DFFA: variants seen among roughly 807,000 people sequenced by gnomAD.
DFFA encodes the protein DFF45.
In DFFA, 14 loss-of-function variants were observed where a neutral mutation model predicts 28.0. That is an observed-to-expected ratio of 0.50 (90% confidence interval 0.33 to 0.78). The LOEUF is 0.78. Ranked by LOEUF, DFFA falls within the 30% of genes least tolerant of loss-of-function variation. The pLI, the probability that DFFA is intolerant of heterozygous loss-of-function variation, is 0.02. For missense variants in DFFA, 395 were observed against 407.1 expected, an observed-to-expected ratio of 0.97 and a Z score of 0.26; for synonymous variants, 158 against 170.3, an observed-to-expected ratio of 0.93 and a Z score of 0.56.
At chr1:10,463,750 C>T (rs558716774) in intron 3 of DFFA, 130 bp from the exon 4 acceptor site, 13 of 893,590 alleles carry the variant, frequency 1.5e-5, no homozygotes, top group East Asian at 1.2e-4. Flanking sequence ...CTGCAACCTC[C>T]GCCTCCTGGG....
At chr1:10,462,424 T>G in intron 5 of DFFA, 1 of 987,668 alleles carries the variant, frequency 1.0e-6, no homozygotes, top group Non-Finnish European at 1.2e-6. Context: ...TAAGCCACTG[T>G]GCCCGGACAA....
intron 3 of DFFA, among the ~76,000 whole-genome samples, chr1:10,464,925 T>C (rs942159757): frequency 6.6e-6 from 1 of 152,056 alleles, no homozygotes; most frequent in African/African-American, 2.4e-5. Context: ...ACCCAGTGCA[T>C]AGAACCATGA....
At position 10,458,871 on chromosome 1, in the gene DFFA, G is replaced by C. The variant is rs1226559978; in HGVS notation, c.*2619C>G. ...ATATTGTGATATTTCTTTCTTTTTTGTGTGACAGTGTCTCACTCTGTTGCA... is the reference window on the plus strand; with the variant it reads ...ATATTGTGATATTTCTTTCTTTTTTCTGTGACAGTGTCTCACTCTGTTGCA... On this transcript the variant is annotated 3_prime_UTR_variant, in exon 6 of 6. Coordinates refer to ENST00000377038, the MANE Select transcript of DFFA (RefSeq NM_004401.3). The C allele has an allele frequency of 7.1e-6, 1 of 140,152 alleles. No individual in the cohort carries two copies. Among genetic ancestry groups the C allele is most frequent in the Non-Finnish European group, 1.5e-5 (1 of 65,440 alleles). The allele number at this position is 140,152 out of a possible 1,614,324, so 8.7% of individuals were successfully genotyped here. A position where few individuals can be genotyped will look rare whatever the true frequency, so the allele number is the denominator to read the frequency against.
rs1168638910 is a variant in DFFA at position 10,461,218 on chromosome 1, A to C, written c.*272T>G. 4.9e-6 allele frequency: 2 copies of C among 404,728 alleles called. No homozygotes were observed. Among genetic ancestry groups the C allele is most frequent in the Non-Finnish European group, 8.9e-6 (2 of 224,212 alleles). 25.1% of individuals were successfully genotyped at this position (404,728 alleles called of 1,614,324 possible). A position where few individuals can be genotyped will look rare whatever the true frequency, so the allele number is the denominator to read the frequency against. On this transcript the variant is annotated 3_prime_UTR_variant, in exon 6 of 6. Coordinates refer to ENST00000377038, the MANE Select transcript of DFFA (RefSeq NM_004401.3). Reference sequence around the variant, plus strand: ...CCACTGCGCCTGGCCAATCACTGCCAATTACTTTTGAACAGAGAACATCAT... The same window carrying C: ...CCACTGCGCCTGGCCAATCACTGCCCATTACTTTTGAACAGAGAACATCAT...
intron 1 of DFFA, among the ~76,000 whole-genome samples, chr1:10,470,545 C>A (rs1224008229): frequency 6.6e-6 from 1 of 150,836 alleles, no homozygotes; most frequent in Non-Finnish European, 1.5e-5. Flanking sequence ...CTGCTTCAGC[C>A]TCCGGAGTAG....
chr1:10,463,025 C>T, intron 5 of DFFA, 33 bp downstream of exon 5: 3 of 1,613,818 alleles, frequency 1.9e-6, no homozygotes, highest in Non-Finnish European at 2.5e-6. Flanking sequence ...GCATGTCCTC[C>T]TCTGTAGCTC....
Position 10,462,631 on chromosome 1 carries a change from C to T in DFFA, c.783+427G>A, listed in dbSNP as rs184768054. On this transcript the variant is annotated intron_variant, in intron 5 of 5. Coordinates refer to ENST00000377038, the MANE Select transcript of DFFA (RefSeq NM_004401.3). ...GAAGTAGCACCCACCCAGGCAGGTT[C>T]CCTTCCTCAAGTTTTTAGCTCCCTG... 39 of 1,015,856 alleles carry T rather than the reference C, an allele frequency of 3.8e-5. No homozygotes were observed. The Admixed American group carries it at 1.7e-3, about 43-fold the overall frequency. 62.9% of individuals were successfully genotyped at this position (1,015,856 alleles called of 1,614,324 possible).
intron 3 of DFFA, 114 bp from the exon 4 acceptor site, chr1:10,463,734 G>C: frequency 9.3e-7 from 1 of 1,070,426 alleles, no homozygotes; most frequent in Non-Finnish European, 1.3e-6. Context: ...GTGTGATCTC[G>C]GCTCACTGCA....
intron 2 of DFFA, among the ~76,000 whole-genome samples, 182 bp from the exon 3 acceptor site, chr1:10,467,514 AT>A (rs373985522): frequency 2.0e-3 from 279 of 142,668 alleles, no homozygotes; most frequent in Middle Eastern, 3.5e-3. Context: ...CTCTTCTTTC[AT>A]TTTTTTTTTT....
intron 1 of DFFA, 84 bp from the exon 2 acceptor site, chr1:10,469,422 C>T: frequency 8.4e-7 from 1 of 1,191,704 alleles, no homozygotes; most frequent in South Asian, 1.5e-5. Flanking sequence ...TGTATGGCTC[C>T]AGAGCTGAGC....
chr1:10,461,672 C>A lies in DFFA; in HGVS notation c.814G>T (p.Ala272Ser), dbSNP rs748625595. 8.7e-6 allele frequency: 14 copies of A among 1,614,236 alleles called. No homozygotes were observed. Among genetic ancestry groups the A allele is most frequent in the Non-Finnish European group, 1.1e-5 (13 of 1,180,038 alleles). ...LVTKEDPKAL[A>S]VALNWDIKKT... is the part of the protein sequence containing the mutation. ...TTTATGTCCCAGTTCAAGGCAACAGCCAGTGCTTTGGGGTCTTCCTTGGTA... is the reference window on the plus strand; with the variant it reads ...TTTATGTCCCAGTTCAAGGCAACAGACAGTGCTTTGGGGTCTTCCTTGGTA... Residue 272 changes from alanine to serine, a missense_variant, in exon 6 of 6, where the codon GCT becomes TCT. By Grantham distance (99) the Ala-to-Ser change is moderately conservative. Transcript: ENST00000377038.
chr1:10,456,678 T>C lies in DFFA; in HGVS notation c.*4812A>G, dbSNP rs1359436367. On this transcript the variant is annotated 3_prime_UTR_variant, in exon 6 of 6. Transcript: ENST00000377038. ...TCCATTAGTTTTTCTCTTTTGCTTTTACCCAGAAATTAAAGGTTGGTAAGT... is the reference window on the plus strand; with the variant it reads ...TCCATTAGTTTTTCTCTTTTGCTTTCACCCAGAAATTAAAGGTTGGTAAGT... The C allele has an allele frequency of 6.6e-6, 1 of 152,212 alleles. No individual in the cohort carries two copies. Among genetic ancestry groups the C allele is most frequent in the Non-Finnish European group, 1.5e-5 (1 of 68,034 alleles). The allele number at this position is 152,212 out of a possible 1,614,324, so 9.4% of individuals were successfully genotyped here.
intron 1 of DFFA, among the ~76,000 whole-genome samples, chr1:10,471,925 C>T (rs1641103583): frequency 6.6e-6 from 1 of 152,148 alleles, no homozygotes; most frequent in African/African-American, 2.4e-5. Context: ...GCATAGGTTC[C>T]TGCCAGAGCG....
intron 4 of DFFA, 71 bp downstream of exon 4, chr1:10,463,358 AAT>A: frequency 6.4e-7 from 1 of 1,557,502 alleles, no homozygotes; most frequent in Non-Finnish European, 8.7e-7. Flanking sequence ...CTACATCACA[AAT>A]AGTGTCCTCC....
Position 10,472,263 on chromosome 1 carries a change from G to C in DFFA, c.136+60C>G. ...CCTCTCCTGACCCCGCCTCGCCCCC[G>C]CCGGACGTCCTCACCCGGCCCTGGC... On this transcript the variant is annotated intron_variant, in intron 1 of 5. Transcript: ENST00000377038. This position sits in a 1 kb window ranked among gnomAD's most constrained non-coding sequence, Gnocchi z 5.0. The C allele has an allele frequency of 2.1e-6, 3 of 1,456,030 alleles. No homozygotes were observed. The highest frequency in any genetic ancestry group is 2.7e-6 in the Non-Finnish European group (3 of 1,093,638). 90.2% of individuals were successfully genotyped at this position (1,456,030 alleles called of 1,614,324 possible). A position where few individuals can be genotyped will look rare whatever the true frequency, so the allele number is the denominator to read the frequency against.
At chr1:10,466,587 C>T (rs185680862) in intron 3 of DFFA, among the ~76,000 whole-genome samples, 8 of 152,152 alleles carry the variant, frequency 5.3e-5, no homozygotes, top group African/African-American at 1.2e-4. Context: ...TCTACTCCAA[C>T]GCTACATTCT....
chr1:10,472,161 A>C lies in DFFA; in HGVS notation c.136+162T>G. ...GAGATTAATTACGCTCAAGCGCCTT[A>C]AATCTGTAAATCGCTATGCCCACTC... On this transcript the variant is annotated intron_variant, in intron 1 of 5. Coordinates refer to ENST00000377038, the MANE Select transcript of DFFA (RefSeq NM_004401.3). This position sits in a 1 kb window ranked among gnomAD's most constrained non-coding sequence, Gnocchi z 5.0. 1.3e-6 allele frequency: 1 copy of C among 799,154 alleles called. No homozygotes were observed. Among genetic ancestry groups the C allele is most frequent in the Non-Finnish European group, 1.8e-6 (1 of 550,838 alleles). 49.5% of individuals were successfully genotyped at this position (799,154 alleles called of 1,614,324 possible). A position where few individuals can be genotyped will look rare whatever the true frequency, so the allele number is the denominator to read the frequency against.
chr1:10,467,746 AG>A (rs1326087226), intron 2 of DFFA, among the ~76,000 whole-genome samples: 1 of 152,086 alleles, frequency 6.6e-6, no homozygotes, highest in Non-Finnish European at 1.5e-5. Context: ...CCTGACTTCA[AG>A]TGATCTGCCC....
rs1342543219 is a variant in DFFA, at chr1:10,461,502, C to T, written c.984G>A (p.Gln328=). 1 of 1,613,944 alleles carries T rather than the reference C, an allele frequency of 6.2e-7. No individual in the cohort carries two copies. Among genetic ancestry groups the T allele is most frequent in the South Asian group, 1.1e-5 (1 of 91,038 alleles). ...GDLQNPKRAR[Q]DPT is the part of the protein sequence containing the mutation. Reference sequence around the variant, plus strand: ...CTTCCCGCTGCTGCTATGTGGGATCCTGTCTGGCTCGCTTAGGATTCTGCA... The same window carrying T: ...CTTCCCGCTGCTGCTATGTGGGATCTTGTCTGGCTCGCTTAGGATTCTGCA... Residue 328 remains glutamine (Q), a synonymous_variant, in exon 6 of 6, where the codon CAG becomes CAA. Coordinates refer to ENST00000377038, the MANE Select transcript of DFFA (RefSeq NM_004401.3).
Sources: gnomAD v4.1 joint callset for allele counts (sites outside exome capture counted in the v4.1 genomes callset) on GRCh38, gnomAD v4.1.1 for gene constraint, Gnocchi (gnomAD v3.1) non-coding constraint, MANE v1.5 for transcripts, NCBI Gene and HGNC (gene_info 2026-07-23, HGNC 2026-07-21) for gene names.